Variants in ZNF675 observed in about 807,000 individuals in gnomAD.
The protein encoded by ZNF675 is zinc finger protein 675.
Under a neutral mutation model 56.1 loss-of-function variants are expected in ZNF675, and 36 were observed. That is an observed-to-expected ratio of 0.64 (90% CI 0.49 to 0.85). The LOEUF is 0.85. ZNF675 is among the 40% of genes least tolerant of loss of function. The pLI is 0.00. For synonymous variants in ZNF675, 200 were observed against 218.9 expected, an observed-to-expected ratio of 0.91 and a Z score of 0.76; for missense variants, 663 against 654.2, an observed-to-expected ratio of 1.01 and a Z score of -0.15.
At position 23,654,513 on chromosome 19, in the gene ZNF675, C is replaced by G; in HGVS notation, c.420G>C (p.Gln140His). The G allele has an allele frequency of 6.2e-7, 1 of 1,605,436 alleles. No homozygotes were observed. The highest frequency in any genetic ancestry group is 8.5e-7 in the Non-Finnish European group (1 of 1,175,966). The change falls in exon 4 of 4, where the codon CAG becomes CAC. Residue 140 changes from glutamine to histidine, a missense_variant. By Grantham distance (24) the Gln-to-His change is conservative. Transcript: ENST00000359788. Reference sequence around the variant, plus strand: ...ATTTATCACATTGAAACATTTTGCTCTGCATAGTTGGTAAACATTGGTTAA... The same window carrying G: ...ATTTATCACATTGAAACATTTTGCTGTGCATAGTTGGTAAACATTGGTTAA... ...NGLNQCLPTM[Q>H]SKMFQCDKYV...
rs1293032775 is a variant in ZNF675 at position 23,661,374 on chromosome 19, CAAGTA to C, written c.226+735_226+739del. The stretch of plus-strand genomic sequence containing the variant: ...CATTAGAAGACTATAGAAATACAAA[CAAGTA>C]AAATGTGTAGAAAAATGAAAAAAAA... On this transcript the variant is annotated intron_variant, in intron 3 of 3. Coordinates refer to ENST00000359788, the MANE Select transcript of ZNF675 (RefSeq NM_138330.3). Among the ~76,000 whole-genome samples the C allele has an allele frequency of 5.1e-5, 7 of 136,196 alleles. No individual in the cohort carries two copies. The East Asian group carries it at 1.6e-3, about 31-fold the overall frequency. 89.3% of individuals were successfully genotyped at this position (136,196 alleles called of 152,430 possible).
At position 23,687,205 on chromosome 19, in the gene ZNF675, T is replaced by G. The variant is rs1033235438; in HGVS notation, c.-172A>C. On this transcript the variant is annotated 5_prime_UTR_variant, in exon 1 of 4. An upstream start codon of the reference 5' UTR is lost. Transcript: ENST00000359788. Reference sequence around the variant, plus strand: ...AGGCGCCGCCAAATCCCGGAAGCCATCTTGTCTGCTCCAGCTGCGTGCCTG... The same window carrying G: ...AGGCGCCGCCAAATCCCGGAAGCCAGCTTGTCTGCTCCAGCTGCGTGCCTG... 5 of 725,374 alleles carry G rather than the reference T, an allele frequency of 6.9e-6. No homozygotes were observed. In the East Asian group the frequency reaches 8.3e-5, roughly 12 times the overall value. The allele number at this position is 725,374 out of a possible 1,614,324, so 44.9% of individuals were successfully genotyped here.
In ZNF675 at chr19:23,653,559, G is replaced by T. The variant is rs773695883; in HGVS notation, c.1374C>A (p.Gly458=). The T allele has an allele frequency of 1.4e-5, 23 of 1,613,210 alleles. No individual in the cohort carries two copies. The South Asian group carries it at 1.6e-4, about 12-fold the overall frequency. The part of the protein sequence containing the change: ...GKKPYKCEEC[G]KAFIQSSKLT... ...GTTTTGAGGATTGGATAAAAGCTTT[G>T]CCACATTCTTCACATTTGTAGGGTT... The change falls in exon 4 of 4, where the codon GGC becomes GGA. Residue 458 remains glycine (G), a synonymous_variant. Transcript: ENST00000359788.
In ZNF675 at chr19:23,687,186, C is replaced by A; in HGVS notation, c.-153G>T. The A allele has an allele frequency of 1.1e-6, 1 of 883,622 alleles. No homozygotes were observed. The highest frequency in any genetic ancestry group is 1.8e-6 in the Non-Finnish European group (1 of 556,054). 54.7% of individuals were successfully genotyped at this position (883,622 alleles called of 1,614,324 possible). A position where few individuals can be genotyped will look rare whatever the true frequency, so the allele number is the denominator to read the frequency against. On this transcript the variant is annotated 5_prime_UTR_variant, in exon 1 of 4. Coordinates refer to ENST00000359788, the MANE Select transcript of ZNF675 (RefSeq NM_138330.3). ...CGGCTGCAGCGAGAGACAAAGGCGC[C>A]GCCAAATCCCGGAAGCCATCTTGTC... is the stretch of plus-strand genomic sequence containing the variant.
At position 23,663,035 on chromosome 19, in the gene ZNF675, G is replaced by A. The variant is rs1358968071; in HGVS notation, c.127C>T (p.Leu43=). 6.9e-6 allele frequency: 11 copies of A among 1,584,986 alleles called. No homozygotes were observed. The African/African-American group carries it at 1.2e-4, about 18-fold the overall frequency. Reference sequence around the variant, plus strand: ...TGTGTGTTTAAGTTATCCTTACCCAGGAAGACCAGGTTTCTGTAGTTCTCT... The same window carrying A: ...TGTGTGTTTAAGTTATCCTTACCCAAGAAGACCAGGTTTCTGTAGTTCTCT... The part of the protein sequence containing the change: ...ILENYRNLVF[L]GIAVSKQDLI... Residue 43 remains leucine, a synonymous_variant, in exon 2 of 4, where the codon CTG becomes TTG. Transcript: ENST00000359788.
intron 1 of ZNF675, among the ~76,000 whole-genome samples, chr19:23,674,086 C>CCT (rs1281670189): frequency 6.6e-6 from 1 of 151,342 alleles, no homozygotes; most frequent in African/African-American, 2.4e-5. Flanking sequence ...ACCTGTAATT[C>CCT]CACCTACTCA....
At chr19:23,662,857 G>A (rs1220287491) in intron 2 of ZNF675, among the ~76,000 whole-genome samples, 175 bp downstream of exon 2, 8 of 152,194 alleles carry the variant, frequency 5.3e-5, no homozygotes, top group East Asian at 3.9e-4. Flanking sequence ...GGTGGCTCAC[G>A]CCTGTAGTCC....
intron 1 of ZNF675, among the ~76,000 whole-genome samples, chr19:23,674,394 G>A (rs1172992718): frequency 6.6e-6 from 1 of 150,908 alleles, no homozygotes; most frequent in Non-Finnish European, 1.5e-5. Context: ...TGTAATCCCA[G>A]CACTTTGGGA....
At chr19:23,685,503 C>A (rs1367542259) in intron 1 of ZNF675, among the ~76,000 whole-genome samples, 3 of 152,160 alleles carry the variant, frequency 2.0e-5, no homozygotes, top group East Asian at 3.8e-4. Flanking sequence ...GCCACATCAC[C>A]CATAAAGTTT....
chr19:23,676,663 G>GT (rs1222111491), intron 1 of ZNF675, among the ~76,000 whole-genome samples: 1 of 151,784 alleles, frequency 6.6e-6, no homozygotes, highest in Non-Finnish European at 1.5e-5. Flanking sequence ...CATCCTTCAT[G>GT]TTATAACCCT....
chr19:23,654,552 T>A lies in ZNF675; in HGVS notation c.381A>T (p.Gly127=), dbSNP rs1422988223. The A allele has an allele frequency of 1.9e-6, 3 of 1,607,638 alleles. No individual in the cohort carries two copies. The highest frequency in any genetic ancestry group is 2.2e-5 in the South Asian group (2 of 90,228). ...AACATTGGTTAAGTCCATTATAACC[T>A]CCCTTGTGCAACTTACATTCATCCA... is the stretch of plus-strand genomic sequence containing the variant. The part of the protein sequence containing the change: ...KSVDECKLHK[G]GYNGLNQCLP... Residue 127 remains glycine (G), a synonymous_variant, in exon 4 of 4, where the codon GGA becomes GGT. Transcript: ENST00000359788.
At chr19:23,656,046 A>AGCCAAACCCTTAT (rs60952645) in intron 3 of ZNF675, 1 of 152,116 alleles carries the variant, frequency 6.6e-6, no homozygotes, top group Non-Finnish European at 1.5e-5. Context: ...GCTGCAGTGG[A>AGCCAAACCCTTAT]GCCACTGCAC....
chr19:23,676,342 TTATTA>T (rs1303561313), intron 1 of ZNF675, among the ~76,000 whole-genome samples: 2 of 151,792 alleles, frequency 1.3e-5, no homozygotes, highest in East Asian at 3.9e-4. Flanking sequence ...TCTCCCCAAG[TTATTA>T]TATAAGAACA....
intron 1 of ZNF675, among the ~76,000 whole-genome samples, chr19:23,684,214 A>G (rs1968413861): frequency 6.6e-6 from 1 of 151,452 alleles, no homozygotes; most frequent in African/African-American, 2.4e-5. Flanking sequence ...GTGACCCCAG[A>G]TCATGTCACT....
At chr19:23,657,000 T>C (rs776829234) in intron 3 of ZNF675, 15 of 152,174 alleles carry the variant, frequency 9.9e-5, no homozygotes, top group Admixed American at 2.6e-4. Flanking sequence ...AGTGGCACAA[T>C]TATGGCTCAC....
At chr19:23,665,531 T>C (rs937027914) in intron 1 of ZNF675, among the ~76,000 whole-genome samples, 3 of 151,890 alleles carry the variant, frequency 2.0e-5, no homozygotes, top group African/African-American at 7.3e-5. Context: ...AGTGTCGCTC[T>C]GTAGCGCAGG....
chr19:23,673,836 A>C (rs1397812603), intron 1 of ZNF675, among the ~76,000 whole-genome samples: 3 of 148,800 alleles, frequency 2.0e-5, no homozygotes, highest in African/African-American at 5.2e-5. Flanking sequence ...CTTAAAGTAT[A>C]ATTTAAAAAA....
At position 23,653,121 on chromosome 19, in the gene ZNF675, GA is replaced by G. The variant is rs879697976; in HGVS notation, c.*104del. Reference sequence around the variant, plus strand: ...AATTATCTTACATACAATGAAGTGTGAAAACCATTTAAAGTCTTTGACACAT... The same window carrying G: ...AATTATCTTACATACAATGAAGTGTGAAACCATTTAAAGTCTTTGACACAT... On this transcript the variant is annotated 3_prime_UTR_variant, in exon 4 of 4. Transcript: ENST00000359788. 4 of 1,105,522 alleles carry G rather than the reference GA, an allele frequency of 3.6e-6. No individual in the cohort carries two copies. The highest frequency in any genetic ancestry group is 2.5e-5 in the East Asian group (1 of 40,192). 68.5% of individuals were successfully genotyped at this position (1,105,522 alleles called of 1,614,324 possible).
intron 1 of ZNF675, among the ~76,000 whole-genome samples, chr19:23,673,264 A>G (rs770710633): frequency 1.3e-5 from 2 of 152,218 alleles, no homozygotes; most frequent in Non-Finnish European, 2.9e-5. Context: ...CATTTCAGTA[A>G]CAGGAGGAAG....
Sources: allele counts gnomAD v4.1 joint callset (sites outside exome capture counted in the v4.1 genomes callset), GRCh38; gene constraint gnomAD v4.1.1; transcripts MANE v1.5; gene names NCBI Gene and HGNC (gene_info 2026-07-23, HGNC 2026-07-21).